SMAP2: variants seen among roughly 807,000 people sequenced by gnomAD.
SMAP2 encodes the protein small ArfGAP2.
A neutral mutation model predicts 56.4 loss-of-function variants in SMAP2; 25 were observed. The ratio of observed to expected loss-of-function variants is 0.44; its 90% confidence interval spans 0.32 to 0.62. The LOEUF is 0.62. Ranked by LOEUF, SMAP2 falls within the 20% of genes least tolerant of loss-of-function variation. The probability of loss-of-function intolerance (pLI) is 0.04; values close to 1 mark genes in which losing one functional copy is unlikely to be tolerated. For synonymous variants in SMAP2, 157 were observed against 181.7 expected (o/e 0.86, Z 1.09); for missense variants, 388 against 545.6 (o/e 0.71, Z 2.88).
chr1:40,388,473 A>G (rs554272714), intron 1 of SMAP2, among the ~76,000 whole-genome samples: 149 of 152,154 alleles, frequency 9.8e-4, no homozygotes, highest in African/African-American at 3.3e-3. Context: ...CTCTGTATCT[A>G]GCTACTCTGG....
At chr1:40,412,879 GC>G (rs1027959050) in intron 4 of SMAP2, 136 bp from the exon 5 acceptor site, 7 of 627,222 alleles carry the variant, frequency 1.1e-5, no homozygotes, top group Non-Finnish European at 1.7e-5. Flanking sequence ...CCAAGACACC[GC>G]CCCCCAAGCT....
At chr1:40,383,292 G>T (rs567983642) in intron 1 of SMAP2, among the ~76,000 whole-genome samples, 7 of 152,300 alleles carry the variant, frequency 4.6e-5, no homozygotes, top group Admixed American at 2.0e-4. Context: ...GGCCGAGTGA[G>T]AGAGCGTATT....
intron 1 of SMAP2, among the ~76,000 whole-genome samples, chr1:40,345,966 CT>C (rs71060369): frequency 2.3e-4 from 8 of 35,342 alleles, no homozygotes; most frequent in Admixed American, 6.8e-4. Flanking sequence ...ATTTCTATCA[CT>C]TTTTTTTTTT....
chr1:40,403,376 G>A (rs941902505), intron 1 of SMAP2, among the ~76,000 whole-genome samples: 2 of 152,126 alleles, frequency 1.3e-5, no homozygotes, highest in Non-Finnish European at 1.5e-5. Flanking sequence ...GTGGTAGCAC[G>A]CGCCTATAGT....
intron 1 of SMAP2, among the ~76,000 whole-genome samples, chr1:40,388,513 C>T (rs1165916570): frequency 1.3e-5 from 2 of 152,148 alleles, no homozygotes; most frequent in Non-Finnish European, 2.9e-5. Context: ...TGTGTGGACA[C>T]TCTGTATCTA....
intron 1 of SMAP2, among the ~76,000 whole-genome samples, chr1:40,390,107 A>G (rs1207338641): frequency 6.6e-6 from 1 of 152,118 alleles, no homozygotes; most frequent in African/African-American, 2.4e-5. Context: ...TCAAAGGGCA[A>G]ATCTCCATCT....
chr1:40,394,879 C>T lies in SMAP2; in HGVS notation c.104-11857C>T, dbSNP rs924582178. ...AGAGACTCACCACACCCAAGAGTCC[C>T]TCTGTCTGTATCCCATCCCCAAATC... On this transcript the variant is annotated intron_variant, in intron 1 of 9. Coordinates refer to ENST00000372718, the MANE Select transcript of SMAP2 (RefSeq NM_022733.3). 2.0e-5 allele frequency among the ~76,000 whole-genome samples: 3 copies of T among 152,092 alleles called. No individual in the cohort carries two copies. The East Asian group carries it at 5.8e-4, about 29-fold the overall frequency.
At chr1:40,365,062 G>T in intron 2 of SMAP2, 1 of 224,020 alleles carries the variant, frequency 4.5e-6, no homozygotes, top group South Asian at 7.7e-5. Flanking sequence ...GACAGACGAT[G>T]AGCTTGTACA....
rs1477438966 is a variant in SMAP2 at position 40,385,731 on chromosome 1, G to A, written c.103+11508G>A. On this transcript the variant is annotated intron_variant, in intron 1 of 9. Transcript: ENST00000372718. This position sits in a 1 kb window ranked among gnomAD's most constrained non-coding sequence, Gnocchi z 4.5. The stretch of plus-strand genomic sequence containing the variant: ...GTGACGGAATACCATAAATCCCCAG[G>A]CCTCTACCACAGAGCTTACATCTTT... 6.6e-6 allele frequency among the ~76,000 whole-genome samples: 1 copy of A among 152,156 alleles called. No homozygotes were observed. The highest frequency in any genetic ancestry group is 1.5e-5 in the Non-Finnish European group (1 of 68,024).
chr1:40,374,349 C>T lies in SMAP2; in HGVS notation c.103+126C>T. ...GGCTTATAAGTGGTAACGCGTGCTG[C>T]GCTTGCAGTGAGCCTACTGGGCTTT... On this transcript the variant is annotated intron_variant, in intron 1 of 9. Transcript: ENST00000372718. The surrounding 1 kb of genome is among the most constrained non-coding windows in gnomAD (Gnocchi z 5.9). The T allele has an allele frequency of 1.2e-6, 1 of 806,540 alleles. No individual in the cohort carries two copies. Among genetic ancestry groups the T allele is most frequent in the Non-Finnish European group, 2.1e-6 (1 of 478,882 alleles). The allele number at this position is 806,540 out of a possible 1,614,324, so 50.0% of individuals were successfully genotyped here.
At chr1:40,387,681 A>G (rs1644671220) in intron 1 of SMAP2, among the ~76,000 whole-genome samples, 3 of 152,096 alleles carry the variant, frequency 2.0e-5, no homozygotes, top group Non-Finnish European at 2.9e-5. Flanking sequence ...TTGAGAGGTG[A>G]CAGCGTGCTG....
At chr1:40,398,418 T>A (rs1156784545) in intron 1 of SMAP2, among the ~76,000 whole-genome samples, 3 of 152,024 alleles carry the variant, frequency 2.0e-5, no homozygotes, top group East Asian at 3.9e-4. Context: ...TTAAAAAAAA[T>A]GGAATTGTTT....
chr1:40,383,706 GC>G (rs1423517971), intron 1 of SMAP2, among the ~76,000 whole-genome samples: 2 of 152,252 alleles, frequency 1.3e-5, no homozygotes, highest in African/African-American at 4.8e-5. Flanking sequence ...GTTGGCTGCT[GC>G]CAGGAGCAAC....
chr1:40,422,311 C>G lies in SMAP2; in HGVS notation c.*210C>G. The G allele has an allele frequency of 1.7e-6, 1 of 577,082 alleles. No homozygotes were observed. The highest frequency in any genetic ancestry group is 3.0e-6 in the Non-Finnish European group (1 of 337,316). 35.7% of individuals were successfully genotyped at this position (577,082 alleles called of 1,614,324 possible). A position where few individuals can be genotyped will look rare whatever the true frequency, so the allele number is the denominator to read the frequency against. On this transcript the variant is annotated 3_prime_UTR_variant, in exon 10 of 10. Coordinates refer to ENST00000372718, the MANE Select transcript of SMAP2 (RefSeq NM_022733.3). ...TATGTTGTACATGCCCCATAGCCAT[C>G]CCAACGTCCTCCCCAGTCCTCTCCT...
chr1:40,406,109 C>G (rs767209991), intron 1 of SMAP2, among the ~76,000 whole-genome samples: 1 of 152,026 alleles, frequency 6.6e-6, no homozygotes, highest in Admixed American at 6.6e-5. Flanking sequence ...GTAGGAAAAC[C>G]GAATACAGGC....
intron 1 of SMAP2, among the ~76,000 whole-genome samples, chr1:40,348,563 C>T (rs371249107): frequency 4.0e-5 from 6 of 151,832 alleles, no homozygotes; most frequent in Non-Finnish European, 7.4e-5. Context: ...GGCATGGTGG[C>T]GTGCACCAGA....
In SMAP2 at chr1:40,406,707, C is replaced by A. The variant is rs929742671; in HGVS notation, c.104-29C>A. 3.8e-6 allele frequency: 6 copies of A among 1,581,226 alleles called. No individual in the cohort carries two copies. The African/African-American group carries it at 8.1e-5, about 21-fold the overall frequency. ...TAGGCCTTGAATGTTGTAATTTGTA[C>A]TTTATTGCCCTGTTCCTGACTTTCA... On this transcript the variant is annotated intron_variant, in intron 1 of 9. Coordinates refer to ENST00000372718, the MANE Select transcript of SMAP2 (RefSeq NM_022733.3).
intron 1 of SMAP2, among the ~76,000 whole-genome samples, chr1:40,390,114 A>T (rs940835745): frequency 2.0e-5 from 3 of 152,076 alleles, no homozygotes; most frequent in African/African-American, 7.2e-5. Flanking sequence ...GCAAATCTCC[A>T]TCTTTTGCTC....
rs1362632530 is a variant in SMAP2, at chr1:40,374,619, G to C, written c.103+396G>C. 1.4e-6 allele frequency: 2 copies of C among 1,399,646 alleles called. No homozygotes were observed. The highest frequency in any genetic ancestry group is 2.6e-5 in the East Asian group (1 of 38,748). The allele number at this position is 1,399,646 out of a possible 1,614,324, so 86.7% of individuals were successfully genotyped here. A position where few individuals can be genotyped will look rare whatever the true frequency, so the allele number is the denominator to read the frequency against. ...TGCGTGTGTGTGTGTGTGTGTGTGT[G>C]TGTGTGAGAGAGAGAGAGAGAGAAT... On this transcript the variant is annotated intron_variant, in intron 1 of 9. Transcript: ENST00000372718. This position sits in a 1 kb window ranked among gnomAD's most constrained non-coding sequence, Gnocchi z 5.9.
Sources: gnomAD v4.1 joint callset for allele counts (sites outside exome capture counted in the v4.1 genomes callset) on GRCh38, gnomAD v4.1.1 for gene constraint, Gnocchi (gnomAD v3.1) non-coding constraint, MANE v1.5 for transcripts, NCBI Gene and HGNC (gene_info 2026-07-23, HGNC 2026-07-21) for gene names.